SOX5: variants seen among roughly 807,000 people sequenced by gnomAD.
The protein encoded by SOX5 is transcription factor SOX-5.
In SOX5, 9 loss-of-function variants were observed where a neutral mutation model predicts 92.0. The observed-to-expected ratio is 0.10, with a 90% CI of 0.06 to 0.17. SOX5 has a LOEUF of 0.17. Among genes scored for constraint, SOX5 ranks in the 10% least tolerant of loss-of-function variants. SOX5 has a pLI of 1.00. For synonymous variants in SOX5, 344 were observed against 336.3 expected (o/e 1.02, Z -0.25); for missense variants, 642 against 944.5 (o/e 0.68, Z 4.20).
chr12:24,221,183 G>A (rs1480056019), intron 3 of SOX5, among the ~76,000 whole-genome samples: 1 of 152,094 alleles, frequency 6.6e-6, no homozygotes, highest in Admixed American at 6.6e-5. Flanking sequence ...GTTTGCTAAT[G>A]CATTAAATAA....
At chr12:23,547,444 T>G (rs1943353659) in intron 11 of SOX5, among the ~76,000 whole-genome samples, 1 of 152,102 alleles carries the variant, frequency 6.6e-6, no homozygotes, top group Non-Finnish European at 1.5e-5. Flanking sequence ...ACTGCAGAAC[T>G]GCTATTGACA....
chr12:24,504,764 C>T (rs1390175711), intron 1 of SOX5, among the ~76,000 whole-genome samples: 2 of 152,076 alleles, frequency 1.3e-5, no homozygotes, highest in African/African-American at 4.8e-5. Context: ...AACATTATTT[C>T]CTTTGAGTTC....
intron 1 of SOX5, among the ~76,000 whole-genome samples, chr12:24,424,831 TC>T (rs1966513586): frequency 6.6e-6 from 1 of 151,448 alleles, no homozygotes; most frequent in African/African-American, 2.4e-5. Context: ...TGGCTGTTTT[TC>T]CCCCTAGACC....
At chr12:23,756,796 G>GAGT (rs1421125772) in intron 3 of SOX5, among the ~76,000 whole-genome samples, 3 of 151,886 alleles carry the variant, frequency 2.0e-5, no homozygotes, top group Non-Finnish European at 4.4e-5. Context: ...AGCATAAAGG[G>GAGT]AGTACATGTT....
At chr12:24,382,363 T>C (rs959029018) in intron 1 of SOX5, among the ~76,000 whole-genome samples, 7 of 151,638 alleles carry the variant, frequency 4.6e-5, no homozygotes, top group Non-Finnish European at 7.4e-5. Flanking sequence ...TTCCACCACA[T>C]AGGAGAAAGA....
intron 1 of SOX5, among the ~76,000 whole-genome samples, chr12:24,430,547 C>T (rs1017386993): frequency 1.4e-4 from 22 of 152,030 alleles, no homozygotes; most frequent in African/African-American, 5.1e-4. Flanking sequence ...AGAAACCACA[C>T]ACACACATAA....
intron 4 of SOX5, among the ~76,000 whole-genome samples, chr12:24,045,259 A>G (rs1032526771): frequency 2.6e-5 from 4 of 152,216 alleles, no homozygotes; most frequent in Non-Finnish European, 5.9e-5. Flanking sequence ...ATAAGAACAC[A>G]ATAATGCTTC....
At chr12:24,509,434 C>T (rs557457959) in intron 1 of SOX5, among the ~76,000 whole-genome samples, 2 of 151,998 alleles carry the variant, frequency 1.3e-5, no homozygotes, top group African/African-American at 4.8e-5. Flanking sequence ...TAAAAATGAC[C>T]ATGGCATTAA....
At chr12:24,400,264 G>T (rs548872650) in intron 1 of SOX5, among the ~76,000 whole-genome samples, 2 of 152,310 alleles carry the variant, frequency 1.3e-5, no homozygotes, top group East Asian at 3.8e-4. Context: ...ATGCTAATTA[G>T]TTTTTAAATT....
At chr12:23,723,092 C>T (rs534451672) in intron 6 of SOX5, among the ~76,000 whole-genome samples, 66 of 152,118 alleles carry the variant, frequency 4.3e-4, no homozygotes, top group African/African-American at 1.4e-3. Flanking sequence ...CTGCATGACA[C>T]GGGTGCTCAT....
chr12:24,553,056 C>A (rs546425231), intron 1 of SOX5, among the ~76,000 whole-genome samples: 10 of 152,070 alleles, frequency 6.6e-5, no homozygotes, highest in Non-Finnish European at 1.5e-4. Context: ...AGTATAAAAA[C>A]AAGAAAGAGA....
intron 4 of SOX5, among the ~76,000 whole-genome samples, chr12:24,050,193 A>G (rs1364445203): frequency 6.6e-6 from 1 of 150,708 alleles, no homozygotes; most frequent in Non-Finnish European, 1.5e-5. Flanking sequence ...TGTGGATTTT[A>G]TAAGGTCCAG....
At chr12:24,258,868 T>C (rs1312058092) in intron 3 of SOX5, among the ~76,000 whole-genome samples, 1 of 152,202 alleles carries the variant, frequency 6.6e-6, no homozygotes, top group Non-Finnish European at 1.5e-5. Context: ...ATTTTAGAGA[T>C]GGAAAAACTA....
intron 4 of SOX5, among the ~76,000 whole-genome samples, chr12:24,122,528 C>G (rs578043460): frequency 2.6e-5 from 4 of 152,252 alleles, no homozygotes; most frequent in African/African-American, 9.6e-5. Flanking sequence ...TATTTAGTGG[C>G]GCATTACACT....
chr12:23,705,952 G>A (rs2091332552), intron 6 of SOX5, among the ~76,000 whole-genome samples: 1 of 151,924 alleles, frequency 6.6e-6, no homozygotes, highest in Non-Finnish European at 1.5e-5. Context: ...AGCTCCTAGA[G>A]AGGGAACATT....
At chr12:24,091,301 T>C (rs1944608418) in intron 4 of SOX5, among the ~76,000 whole-genome samples, 1 of 152,218 alleles carries the variant, frequency 6.6e-6, no homozygotes, top group Non-Finnish European at 1.5e-5. Flanking sequence ...CGATATATTA[T>C]TGTCATATAC....
chr12:24,240,724 T>C (rs1359107027), intron 3 of SOX5, among the ~76,000 whole-genome samples: 2 of 152,170 alleles, frequency 1.3e-5, no homozygotes, highest in African/African-American at 2.4e-5. Flanking sequence ...CTTCCCTTGG[T>C]GGCAACTAGA....
chr12:23,659,302 C>G (rs550319482), intron 7 of SOX5, among the ~76,000 whole-genome samples: 1 of 152,180 alleles, frequency 6.6e-6, no homozygotes, highest in South Asian at 2.1e-4. Flanking sequence ...TATTTAACTC[C>G]TAAACATTAA....
At chr12:23,985,554 G>T (rs534910429) in intron 4 of SOX5, among the ~76,000 whole-genome samples, 98 of 152,210 alleles carry the variant, frequency 6.4e-4, no homozygotes, top group Non-Finnish European at 1.2e-3. Flanking sequence ...TGACCAAAAG[G>T]TTCTGCATAA....
Sources: gnomAD v4.1 joint callset for allele counts (sites outside exome capture counted in the v4.1 genomes callset) on GRCh38, gnomAD v4.1.1 for gene constraint, MANE v1.5 for transcripts, NCBI Gene and HGNC (gene_info 2026-07-23, HGNC 2026-07-21) for gene names.